Variants in STK3 observed in about 807,000 individuals in gnomAD.
STK3 encodes serine/threonine-protein kinase 3.
Under a neutral mutation model 58.0 loss-of-function variants are expected in STK3, and 41 were observed. The ratio of observed to expected loss-of-function variants is 0.71; its 90% CI spans 0.55 to 0.92. The LOEUF (loss-of-function observed/expected upper bound fraction) is 0.92. Among genes scored for constraint, STK3 ranks in the 40% least tolerant of loss-of-function variants. The pLI is 0.00. For synonymous variants in STK3, 170 were observed against 191.0 expected (o/e 0.89, Z 0.91); for missense variants, 479 against 602.7 (o/e 0.79, Z 2.15).
chr8:98,859,484 G>A (rs771934529), intron 3 of STK3, among the ~76,000 whole-genome samples: 3 of 152,132 alleles, frequency 2.0e-5, no homozygotes, highest in Admixed American at 2.0e-4. Context: ...TCACAATGGG[G>A]CACAGGAATC....
chr8:98,494,654 CAAAAAAAAAAAAA>C (rs398008984), intron 10 of STK3, among the ~76,000 whole-genome samples: 4 of 40,458 alleles, frequency 9.9e-5, no homozygotes, highest in African/African-American at 4.5e-4. Context: ...GACCCTGTCT[CAAAAAAAAAAAAA>C]AAAAAAAAAA....
At chr8:98,521,920 T>C (rs1416305554) in intron 10 of STK3, among the ~76,000 whole-genome samples, 1 of 152,196 alleles carries the variant, frequency 6.6e-6, no homozygotes, top group Non-Finnish European at 1.5e-5. Flanking sequence ...CATGGCAATG[T>C]CTGAGTTATT....
In STK3 at chr8:98,428,996, G is replaced by A. The variant is rs779903194; in HGVS notation, n.483+5131C>T. On this transcript the variant is annotated intron_variant and non_coding_transcript_variant, in intron 3 of 3. Transcript: ENST00000517832. This position sits in a 1 kb window ranked among gnomAD's most constrained non-coding sequence, Gnocchi z 6.7. ...TGCTCTTGCTCTACCTCTCCGTGGG[G>A]ATTTCCATCTTCTCCGTGGTGGCCT... 64 of 1,614,024 alleles carry A rather than the reference G, an allele frequency of 4.0e-5. No individual in the cohort carries two copies. In the Admixed American group the frequency reaches 6.2e-4, roughly 16 times the overall value.
chr8:98,733,632 C>G (rs940643262), intron 4 of STK3, among the ~76,000 whole-genome samples: 1 of 152,174 alleles, frequency 6.6e-6, no homozygotes, highest in African/African-American at 2.4e-5. Flanking sequence ...ACCAATGAAA[C>G]TTTTTCTAAA....
chr8:98,815,226 A>T (rs1466583447), intron 1 of STK3, among the ~76,000 whole-genome samples: 1 of 152,228 alleles, frequency 6.6e-6, no homozygotes, highest in Non-Finnish European at 1.5e-5. Context: ...TCTGACTCAA[A>T]CTTAGAAAAT....
At chr8:98,524,226 C>T (rs1825587999) in intron 10 of STK3, among the ~76,000 whole-genome samples, 1 of 152,222 alleles carries the variant, frequency 6.6e-6, no homozygotes, top group South Asian at 2.1e-4. Context: ...GTCTTTCTGA[C>T]AGTACCACAC....
At chr8:98,512,193 T>G (rs1228451473) in intron 10 of STK3, among the ~76,000 whole-genome samples, 1 of 151,882 alleles carries the variant, frequency 6.6e-6, no homozygotes, top group Non-Finnish European at 1.5e-5. Context: ...CATTGTTCAA[T>G]TCCCACCTAT....
intron 1 of STK3, among the ~76,000 whole-genome samples, chr8:98,930,084 T>A (rs1426313576): frequency 1.4e-5 from 2 of 147,730 alleles, no homozygotes; most frequent in Non-Finnish European, 3.0e-5. Context: ...GGAAGTGGTA[T>A]AATAAATCTC....
intron 10 of STK3, among the ~76,000 whole-genome samples, chr8:98,521,608 A>T (rs934387397): frequency 6.6e-6 from 1 of 152,094 alleles, no homozygotes; most frequent in African/African-American, 2.4e-5. Flanking sequence ...CTGTCTATTA[A>T]ATAAATATTC....
At chr8:98,767,129 A>AG in intron 3 of STK3, 114 bp downstream of exon 3, 1 of 1,289,494 alleles carries the variant, frequency 7.8e-7, no homozygotes, top group Non-Finnish European at 1.0e-6. Flanking sequence ...CTCAAAAAAA[A>AG]GAAAAGAAAA....
intron 6 of STK3, among the ~76,000 whole-genome samples, chr8:98,660,858 G>A (rs142135802): frequency 3.0e-4 from 45 of 151,874 alleles, no homozygotes; most frequent in African/African-American, 1.1e-3. Flanking sequence ...CTGCTACCTG[G>A]GACTTCCTCT....
At chr8:98,674,701 T>C (rs1823071534) in intron 6 of STK3, among the ~76,000 whole-genome samples, 1 of 152,200 alleles carries the variant, frequency 6.6e-6, no homozygotes, top group African/African-American at 2.4e-5. Flanking sequence ...GGAGAGACTA[T>C]GAGGTACTTT....
chr8:98,528,854 C>T (rs1470080923), intron 9 of STK3, among the ~76,000 whole-genome samples: 1 of 152,162 alleles, frequency 6.6e-6, no homozygotes, highest in Non-Finnish European at 1.5e-5. Flanking sequence ...ATTACTCTTT[C>T]GTATAATTGT....
intron 3 of STK3, among the ~76,000 whole-genome samples, chr8:98,831,123 A>C (rs1835520190): frequency 6.6e-6 from 1 of 152,198 alleles, no homozygotes; most frequent in Non-Finnish European, 1.5e-5. Context: ...TGGGAAAGAA[A>C]TCTGCAATTT....
At chr8:98,567,646 T>C (rs978779636) in intron 8 of STK3, among the ~76,000 whole-genome samples, 1 of 151,954 alleles carries the variant, frequency 6.6e-6, no homozygotes, top group African/African-American at 2.4e-5. Flanking sequence ...GAACAAACTA[T>C]GATTTTTTCT....
intron 6 of STK3, among the ~76,000 whole-genome samples, chr8:98,667,011 C>T (rs1822417739): frequency 6.6e-6 from 1 of 152,142 alleles, no homozygotes; most frequent in Non-Finnish European, 1.5e-5. Flanking sequence ...TTGTCAATAA[C>T]TGAAGGAAAG....
the STK3 span, among the ~76,000 whole-genome samples, chr8:98,346,075 G>T: frequency 1.1e-4 from 17 of 151,968 alleles, no homozygotes; most frequent in African/African-American, 4.1e-4. Flanking sequence ...CACCTGAGGT[G>T]AGGAGTTCAA....
intron 4 of STK3, among the ~76,000 whole-genome samples, chr8:98,744,883 C>T (rs1829538272): frequency 6.6e-6 from 1 of 150,820 alleles, no homozygotes; most frequent in South Asian, 2.1e-4. Flanking sequence ...TGTGTTAGGA[C>T]AATTAGATTT....
intron 1 of STK3, chr8:98,905,131 C>A (rs1838841021): frequency 3.5e-6 from 5 of 1,446,172 alleles, no homozygotes. Context: ...CCCGTACGAT[C>A]TACTGGGCAC....
Sources: gnomAD v4.1 joint callset for allele counts (sites outside exome capture counted in the v4.1 genomes callset) on GRCh38, gnomAD v4.1.1 for gene constraint, Gnocchi (gnomAD v3.1) non-coding constraint, MANE v1.5 for transcripts, NCBI Gene and HGNC (gene_info 2026-07-23, HGNC 2026-07-21) for gene names.